Variants in RXFP2 observed in about 807,000 individuals in gnomAD.
RXFP2 encodes relaxin receptor 2.
RXFP2 carries 68 observed loss-of-function variants against 88.6 expected under a neutral mutation model. The ratio of observed to expected loss-of-function variants is 0.77; its 90% CI spans 0.63 to 0.94. The LOEUF (loss-of-function observed/expected upper bound fraction) is 0.94, where lower values mean the gene tolerates loss of function less well. Ranked by LOEUF, RXFP2 falls within the 40% of genes least tolerant of loss-of-function variation. The probability of loss-of-function intolerance (pLI) is 0.00; values close to 1 mark genes in which losing one functional copy is unlikely to be tolerated. For synonymous variants in RXFP2, 329 were observed against 306.8 expected (o/e 1.07, Z -0.76); for missense variants, 791 against 893.9 (o/e 0.88, Z 1.47).
chr13:31,764,271 AC>A (rs1872446441), intron 3 of RXFP2, among the ~76,000 whole-genome samples: 1 of 150,384 alleles, frequency 6.6e-6, no homozygotes, highest in Non-Finnish European at 1.5e-5. Context: ...ACACACACAC[AC>A]ACACACACAC....
At chr13:31,798,600 C>T (rs1440513359) in intron 17 of RXFP2, among the ~76,000 whole-genome samples, 1 of 152,206 alleles carries the variant, frequency 6.6e-6, no homozygotes, top group Admixed American at 6.5e-5. Flanking sequence ...TACACCCTAA[C>T]CTTTCAAATT....
At chr13:31,758,147 G>A in intron 1 of RXFP2, 111 bp from the exon 2 acceptor site, 3 of 1,070,876 alleles carry the variant, frequency 2.8e-6, no homozygotes, top group Non-Finnish European at 4.3e-6. Context: ...TGTGCACTAA[G>A]AATAATACCA....
rs71941366 is a variant in RXFP2 at position 31,786,554 on chromosome 13, TA to T, written c.1002-2del. On this transcript the variant is annotated splice_polypyrimidine_tract_variant and intron_variant, in intron 12 of 17. Coordinates refer to ENST00000298386, the MANE Select transcript of RXFP2 (RefSeq NM_130806.5). Reference sequence around the variant, plus strand: ...CTTCTTTTCCTCTCTCATCTAATGGTAAAAAAAAAAGGAACCTGTCATCCAA... The same window carrying T: ...CTTCTTTTCCTCTCTCATCTAATGGTAAAAAAAAAGGAACCTGTCATCCAA... The T allele has an allele frequency of 4.5e-3, 6,551 of 1,462,610 alleles. 5 individuals carry two copies. The highest frequency in any genetic ancestry group is 5.9e-3 in the Admixed American group (314 of 53,666). 90.6% of individuals were successfully genotyped at this position (1,462,610 alleles called of 1,614,324 possible).
intron 2 of RXFP2, among the ~76,000 whole-genome samples, chr13:31,760,644 C>A (rs916580480): frequency 6.6e-6 from 1 of 152,174 alleles, no homozygotes; most frequent in Non-Finnish European, 1.5e-5. Context: ...AGTGAGGGAG[C>A]ATCATAGTAG....
intron 2 of RXFP2, among the ~76,000 whole-genome samples, chr13:31,759,445 G>GAAAGAAAC (rs74184112): frequency 1.8e-5 from 2 of 112,910 alleles, no homozygotes; most frequent in Admixed American, 1.8e-4. Context: ...AAGAAAGAAA[G>GAAAGAAAC]ATACTGTGAA....
At chr13:31,779,922 A>G (rs1037175528) in intron 9 of RXFP2, among the ~76,000 whole-genome samples, 3 of 152,236 alleles carry the variant, frequency 2.0e-5, no homozygotes, top group African/African-American at 4.8e-5. Context: ...GTGTGCCACT[A>G]TTAAAAACGG....
chr13:31,799,557 A>G (rs2138471528), intron 17 of RXFP2, among the ~76,000 whole-genome samples: 1 of 152,080 alleles, frequency 6.6e-6, no homozygotes, highest in African/African-American at 2.4e-5. Flanking sequence ...TTGTAGGGGG[A>G]CGCAGCCTAG....
chr13:31,777,331 C>G, intron 7 of RXFP2, 45 bp from the exon 8 acceptor site: 1 of 1,435,948 alleles, frequency 7.0e-7, no homozygotes, highest in Non-Finnish European at 9.8e-7. Context: ...TTTTATTTCA[C>G]AAATGTCTCT....
intron 1 of RXFP2, among the ~76,000 whole-genome samples, chr13:31,754,614 A>G (rs1322598152): frequency 1.3e-5 from 2 of 152,202 alleles, no homozygotes; most frequent in Admixed American, 6.5e-5. Flanking sequence ...AAAAGATCCT[A>G]TTCACATTGC....
chr13:31,754,304 G>A lies in RXFP2; in HGVS notation c.95-3954G>A, dbSNP rs1249952421. Reference sequence around the variant, plus strand: ...TCAGCACTTTGGGAGGCCGAAGCGGGTGGATCATTTGAGGTCAGGAGTTTG... The same window carrying A: ...TCAGCACTTTGGGAGGCCGAAGCGGATGGATCATTTGAGGTCAGGAGTTTG... On this transcript the variant is annotated intron_variant, in intron 1 of 17. Coordinates refer to ENST00000298386, the MANE Select transcript of RXFP2 (RefSeq NM_130806.5). Among the ~76,000 whole-genome samples, 3 of 152,228 alleles carry A rather than the reference G, an allele frequency of 2.0e-5. No homozygotes were observed. In the South Asian group the frequency reaches 6.2e-4, roughly 32 times the overall value.
chr13:31,796,360 C>T lies in RXFP2; in HGVS notation c.1787-841C>T, dbSNP rs576324316. On this transcript the variant is annotated intron_variant, in intron 16 of 17. Transcript: ENST00000298386. ...AACATTAGGAATAATGTTTCTCAGACAATTATATTCATGATAAATTCCAAG... is the reference window on the plus strand; with the variant it reads ...AACATTAGGAATAATGTTTCTCAGATAATTATATTCATGATAAATTCCAAG... Among the ~76,000 whole-genome samples, 4 of 151,666 alleles carry T rather than the reference C, an allele frequency of 2.6e-5. 1 individual carries two copies. The highest frequency in any genetic ancestry group is 7.2e-5 in the African/African-American group (3 of 41,484).
Position 31,789,134 on chromosome 13 carries a change from G to C in RXFP2, c.1086G>C (p.Arg362Ser). 6.2e-7 allele frequency: 1 copy of C among 1,605,282 alleles called. No individual in the cohort carries two copies. The highest frequency in any genetic ancestry group is 8.5e-7 in the Non-Finnish European group (1 of 1,173,078). ...GTGTATTTTCCAGAGACCTGGAAAGGATAGAGATTCCAAATATAAACACAC... is the reference window on the plus strand; with the variant it reads ...GTGTATTTTCCAGAGACCTGGAAAGCATAGAGATTCCAAATATAAACACAC... ...LKQLQSLDLERIEIPNINTRM... is the reference protein window; with the variant it reads ...LKQLQSLDLESIEIPNINTRM... The change falls in exon 14 of 18, where the codon AGG (arginine) becomes AGC (serine). Residue 362 changes from arginine (R) to serine (S), a missense_variant. Arg to Ser is a moderately radical substitution (Grantham distance 110). Coordinates refer to ENST00000298386, the MANE Select transcript of RXFP2 (RefSeq NM_130806.5).
chr13:31,790,981 GC>G (rs2138455642), intron 14 of RXFP2, among the ~76,000 whole-genome samples: 1 of 152,334 alleles, frequency 6.6e-6, no homozygotes, highest in East Asian at 1.9e-4. Context: ...ATACCAGGCA[GC>G]CTTGGTCTAG....
chr13:31,746,527 A>G (rs530549677), intron 1 of RXFP2, among the ~76,000 whole-genome samples: 1 of 152,318 alleles, frequency 6.6e-6, no homozygotes, highest in East Asian at 1.9e-4. Context: ...CTTGATGTTA[A>G]TTACCACTCC....
At position 31,774,670 on chromosome 13, in the gene RXFP2, G is replaced by T; in HGVS notation, c.548G>T (p.Gly183Val). ...CACATATCCAGGAAAGCATTTTTTGGATTATGTAATCTGCAAATATTGTGA... is the reference window on the plus strand; with the variant it reads ...CACATATCCAGGAAAGCATTTTTTGTATTATGTAATCTGCAAATATTGTGA... ...IRHISRKAFF[G>V]LCNLQILYLN... The change falls in exon 6 of 18, where the codon GGA becomes GTA. Residue 183 changes from glycine to valine, a missense_variant. Coordinates refer to ENST00000298386, the MANE Select transcript of RXFP2 (RefSeq NM_130806.5). 4 of 1,546,128 alleles carry T rather than the reference G, an allele frequency of 2.6e-6. No individual in the cohort carries two copies. The highest frequency in any genetic ancestry group is 3.6e-6 in the Non-Finnish European group (4 of 1,118,338).
At chr13:31,743,108 G>A (rs1000908057) in intron 1 of RXFP2, among the ~76,000 whole-genome samples, 2 of 152,132 alleles carry the variant, frequency 1.3e-5, no homozygotes, top group Admixed American at 6.5e-5. Context: ...AAAGTGCTCC[G>A]AAGCGAAAAT....
At chr13:31,796,002 A>G (rs1566237972) in intron 16 of RXFP2, among the ~76,000 whole-genome samples, 1 of 151,606 alleles carries the variant, frequency 6.6e-6, no homozygotes, top group Non-Finnish European at 1.5e-5. Context: ...CATGAAGAAA[A>G]ATAAACAAAA....
At chr13:31,751,069 C>A (rs1028459613) in intron 1 of RXFP2, among the ~76,000 whole-genome samples, 4 of 152,192 alleles carry the variant, frequency 2.6e-5, no homozygotes, top group Non-Finnish European at 5.9e-5. Context: ...GTGGGTGGAT[C>A]ATCTGAGGTC....
At chr13:31,790,560 C>A (rs115205914) in intron 14 of RXFP2, among the ~76,000 whole-genome samples, 8 of 152,172 alleles carry the variant, frequency 5.3e-5, no homozygotes, top group African/African-American at 1.9e-4. Context: ...AGTACCTACA[C>A]GTGCCAGGCA....
Sources: gnomAD v4.1 joint callset for allele counts (sites outside exome capture counted in the v4.1 genomes callset) on GRCh38, gnomAD v4.1.1 for gene constraint, MANE v1.5 for transcripts, NCBI Gene and HGNC (gene_info 2026-07-23, HGNC 2026-07-21) for gene names.